Variants in SCNN1G observed in about 807,000 individuals in gnomAD.
SCNN1G encodes the protein sodium channel epithelial 1 subunit gamma.
Under a neutral mutation model 64.6 loss-of-function variants are expected in SCNN1G, and 27 were observed. The observed-to-expected ratio is 0.42, with a 90% CI of 0.31 to 0.58. The LOEUF (loss-of-function observed/expected upper bound fraction) is 0.58. Among genes scored for constraint, SCNN1G ranks in the 20% least tolerant of loss-of-function variants. The pLI is 0.18. For missense variants in SCNN1G, 743 were observed against 823.4 expected (o/e 0.90, Z 1.19); for synonymous variants, 330 against 314.2 (o/e 1.05, Z -0.53).
chr16:23,208,744 CTCTT>C (rs759909245), intron 6 of SCNN1G, among the ~76,000 whole-genome samples: 153 of 149,896 alleles, frequency 1.0e-3, no homozygotes, highest in Middle Eastern at 6.9e-3. Context: ...CTCTCTCTCT[CTCTT>C]TGTTTTCAAA....
At chr16:23,198,051 C>T (rs1235359919) in intron 6 of SCNN1G, among the ~76,000 whole-genome samples, 1 of 152,172 alleles carries the variant, frequency 6.6e-6, no homozygotes, top group African/African-American at 2.4e-5. Flanking sequence ...TCTTTCTGGG[C>T]TGCTTAGAGG....
intron 6 of SCNN1G, among the ~76,000 whole-genome samples, chr16:23,205,025 C>T (rs573734300): frequency 6.6e-6 from 1 of 152,248 alleles, no homozygotes; most frequent in South Asian, 2.1e-4. Flanking sequence ...GTTAGACAGG[C>T]TGGTCTCAAA....
chr16:23,188,541 A>G (rs2141928766), intron 2 of SCNN1G, among the ~76,000 whole-genome samples: 1 of 152,218 alleles, frequency 6.6e-6, no homozygotes, highest in South Asian at 2.1e-4. Flanking sequence ...GAGGGCATTT[A>G]ATTATCTATA....
chr16:23,189,559 G>A lies in SCNN1G; in HGVS notation c.506G>A (p.Gly169Asp), dbSNP rs1282924694. ...CTGATCTTTGATCAGGATGAGAAGGGCAAGGCCAGGGACTTCTTCACAGGG... is the reference window on the plus strand; with the variant it reads ...CTGATCTTTGATCAGGATGAGAAGGACAAGGCCAGGGACTTCTTCACAGGG... ...PLLIFDQDEK[G>D]KARDFFTGRK... The change falls in exon 3 of 13, where the codon GGC becomes GAC. Residue 169 changes from glycine (G) to aspartate (D), a missense_variant. Transcript: ENST00000300061. 5.0e-6 allele frequency: 8 copies of A among 1,614,236 alleles called. No individual in the cohort carries two copies. Among genetic ancestry groups the A allele is most frequent in the Non-Finnish European group, 5.9e-6 (7 of 1,180,034 alleles).
intron 5 of SCNN1G, chr16:23,196,060 A>G (rs1401445866): frequency 6.6e-6 from 1 of 152,146 alleles, no homozygotes; most frequent in Non-Finnish European, 1.5e-5. Flanking sequence ...TGAGTACACA[A>G]CTACACAGAC....
chr16:23,189,411 G>A lies in SCNN1G; in HGVS notation c.358G>A (p.Glu120Lys), dbSNP rs757995516. 20 of 1,614,134 alleles carry A rather than the reference G, an allele frequency of 1.2e-5. No homozygotes were observed. In the South Asian group the frequency reaches 2.2e-4, roughly 18 times the overall value. ...VRHLLADLEQ[E>K]TREALKSLYG... ...CCACCTTCTAGCTGACTTGGAACAG[G>A]AGACCAGAGAGGCCCTGAAGTCCCT... The change falls in exon 3 of 13, where the codon GAG (glutamate) becomes AAG (lysine). Residue 120 changes from glutamate to lysine, a missense_variant. Glu to Lys is a moderately conservative substitution (Grantham distance 56, BLOSUM62 1). Transcript: ENST00000300061.
Position 23,215,339 on chromosome 16 carries a change from C to G in SCNN1G, c.1820C>G (p.Ser607Cys). 1 of 1,614,200 alleles carries G rather than the reference C, an allele frequency of 6.2e-7. No homozygotes were observed. The highest frequency in any genetic ancestry group is 1.1e-5 in the South Asian group (1 of 91,084). The change falls in exon 13 of 13, where the codon TCT becomes TGT. Residue 607 changes from serine to cysteine, a missense_variant. Transcript: ENST00000300061. ...DIDDDLPTFN[S>C]ALHLPPALGT... ...GACGATGACCTACCCACTTTCAACT[C>G]TGCTTTGCACCTGCCTCCAGCCCTA...
intron 3 of SCNN1G, among the ~76,000 whole-genome samples, chr16:23,191,429 A>ATGTT (rs376025662): frequency 5.6e-4 from 85 of 152,084 alleles, no homozygotes; most frequent in Non-Finnish European, 1.0e-3. Flanking sequence ...CTTTATATAG[A>ATGTT]TGTTTGTTTG....
At chr16:23,211,531 G>A (rs1165379656) in intron 7 of SCNN1G, among the ~76,000 whole-genome samples, 1 of 152,052 alleles carries the variant, frequency 6.6e-6, no homozygotes, top group Non-Finnish European at 1.5e-5. Context: ...TTAATACATC[G>A]GCCAGGTGTG....
At chr16:23,184,240 C>T (rs941148000) in intron 1 of SCNN1G, among the ~76,000 whole-genome samples, 2 of 152,122 alleles carry the variant, frequency 1.3e-5, no homozygotes, top group Non-Finnish European at 2.9e-5. Flanking sequence ...GGGTCAAGGT[C>T]GGTTCTGGGG....
At chr16:23,200,378 G>C (rs1959869774) in intron 6 of SCNN1G, among the ~76,000 whole-genome samples, 1 of 152,188 alleles carries the variant, frequency 6.6e-6, no homozygotes, top group Non-Finnish European at 1.5e-5. Context: ...GAACTCCTGA[G>C]AGCCTTGGCT....
intron 6 of SCNN1G, among the ~76,000 whole-genome samples, chr16:23,197,660 A>G (rs1959817768): frequency 6.6e-6 from 1 of 152,114 alleles, no homozygotes; most frequent in South Asian, 2.1e-4. Context: ...CAGGAGACCG[A>G]GGTGAGGTCA....
At chr16:23,190,987 GC>G (rs1959699875) in intron 3 of SCNN1G, among the ~76,000 whole-genome samples, 1 of 151,792 alleles carries the variant, frequency 6.6e-6, no homozygotes, top group Non-Finnish European at 1.5e-5. Flanking sequence ...GGGATTACAG[GC>G]ATGCACCACC....
At position 23,186,420 on chromosome 16, in the gene SCNN1G, G is replaced by A. The variant is rs902638150; in HGVS notation, c.149G>A (p.Arg50His). ...GCRRIVVSRG[R>H]LRRLLWIGFT... ...CGCCGCATCGTGGTGTCCCGCGGCC[G>A]TCTGCGCCGCCTCCTCTGGATCGGG... The change falls in exon 2 of 13, where the codon CGT becomes CAT. Residue 50 changes from arginine to histidine, a missense_variant. Physicochemically the swap from Arg to His is conservative, Grantham distance 29. Coordinates refer to ENST00000300061, the MANE Select transcript of SCNN1G (RefSeq NM_001039.4). 4.3e-6 allele frequency: 7 copies of A among 1,614,220 alleles called. No homozygotes were observed. The highest frequency in any genetic ancestry group is 2.2e-5 in the East Asian group (1 of 44,888).
At chr16:23,212,201 C>T (rs908701735) in intron 8 of SCNN1G, 50 bp downstream of exon 8, 5 of 1,257,364 alleles carry the variant, frequency 4.0e-6, no homozygotes, top group Non-Finnish European at 5.8e-6. Context: ...CAGGGTCAGC[C>T]TAGTCCTGGC....
chr16:23,182,982 C>G (rs1959544688), intron 1 of SCNN1G, among the ~76,000 whole-genome samples, 169 bp downstream of exon 1: 1 of 152,186 alleles, frequency 6.6e-6, no homozygotes, highest in Admixed American at 6.5e-5. Flanking sequence ...CGGGCGGTAG[C>G]GGCCAGCTCT....
chr16:23,186,304 C>A lies in SCNN1G; in HGVS notation c.33C>A (p.Ile11=), dbSNP rs754030109. The A allele has an allele frequency of 3.7e-6, 6 of 1,614,242 alleles. No homozygotes were observed. In the South Asian group the frequency reaches 6.6e-5, roughly 18 times the overall value. Residue 11 remains isoleucine (I), a synonymous_variant, in exon 2 of 13, where the codon ATC becomes ATA. Coordinates refer to ENST00000300061, the MANE Select transcript of SCNN1G (RefSeq NM_001039.4). ...CCGGAGAGAAGATCAAAGCCAAAATCAAGAAGAATCTGCCCGTGACGGGCC... is the reference window on the plus strand; with the variant it reads ...CCGGAGAGAAGATCAAAGCCAAAATAAAGAAGAATCTGCCCGTGACGGGCC... The part of the protein sequence containing the change: MAPGEKIKAK[I]KKNLPVTGPQ...
At chr16:23,188,787 G>C (rs1284832409) in intron 2 of SCNN1G, among the ~76,000 whole-genome samples, 1 of 152,066 alleles carries the variant, frequency 6.6e-6, no homozygotes, top group Non-Finnish European at 1.5e-5. Context: ...AAAGGAGAGA[G>C]GAGAGAGTTA....
intron 1 of SCNN1G, among the ~76,000 whole-genome samples, chr16:23,185,834 C>T (rs966530926): frequency 2.6e-5 from 4 of 152,100 alleles, no homozygotes; most frequent in East Asian, 1.9e-4. Context: ...TTGAGGAAGG[C>T]GGGCTACTGG....
Sources: gnomAD v4.1 joint callset for allele counts (sites outside exome capture counted in the v4.1 genomes callset) on GRCh38, gnomAD v4.1.1 for gene constraint, MANE v1.5 for transcripts, NCBI Gene and HGNC (gene_info 2026-07-23, HGNC 2026-07-21) for gene names.